The following CLDN7 variants were observed in gnomAD, a reference collection of about 807,000 sequenced individuals.
CLDN7 encodes the protein claudin-7.
Under a neutral mutation model 20.3 loss-of-function variants are expected in CLDN7, and 15 were observed. That is an observed-to-expected ratio of 0.74 (90% confidence interval 0.49 to 1.14). The LOEUF (loss-of-function observed/expected upper bound fraction) is 1.14, where lower values mean the gene tolerates loss of function less well. Among genes scored for constraint, CLDN7 ranks in the 50% most tolerant of loss-of-function variants. CLDN7 has a pLI of 0.00. For synonymous variants in CLDN7, 117 were observed against 106.1 expected, an observed-to-expected ratio of 1.10 and a Z score of -0.63; for missense variants, 261 against 274.2, an observed-to-expected ratio of 0.95 and a Z score of 0.34.
At position 7,262,340 on chromosome 17, in the gene CLDN7, G is replaced by A. The variant is rs940964473; in HGVS notation, c.-297C>T. 53 of 1,281,654 alleles carry A rather than the reference G, an allele frequency of 4.1e-5. No homozygotes were observed. The highest frequency in any genetic ancestry group is 5.1e-5 in the Non-Finnish European group (51 of 1,006,580). 79.4% of individuals were successfully genotyped at this position (1,281,654 alleles called of 1,614,324 possible). A position where few individuals can be genotyped will look rare whatever the true frequency, so the allele number is the denominator to read the frequency against. ...GCGGTTCCCTCCGGGCGCTCTCGGC[G>A]ACCCTAGGCAAACAAAAGGTGGAGG... On this transcript the variant is annotated 5_prime_UTR_variant, in exon 1 of 4. Coordinates refer to ENST00000360325, the MANE Select transcript of CLDN7 (RefSeq NM_001307.6). The surrounding 1 kb of genome is among the most constrained non-coding windows in gnomAD (Gnocchi z 6.6).
chr17:7,261,056 G>A, intron 1 of CLDN7, 71 bp from the exon 2 acceptor site: 1 of 1,513,412 alleles, frequency 6.6e-7, no homozygotes, highest in South Asian at 1.2e-5. Context: ...GCCGCCGGCC[G>A]CGCCCACTAA....
At chr17:7,262,510 G>A, upstream of CLDN7, 1 of 656,822 alleles carries the variant, frequency 1.5e-6, no homozygotes, top group South Asian at 6.5e-5. The surrounding 1 kb of genome is among the most constrained non-coding windows in gnomAD (Gnocchi z 6.6). Context: ...GTATATGTAG[G>A]GCGTCGGGGG....
At position 7,261,115 on chromosome 17, in the gene CLDN7, C is replaced by A. The variant is rs2072206940; in HGVS notation, c.224-130G>T. 1.1e-5 allele frequency: 14 copies of A among 1,301,122 alleles called. No individual in the cohort carries two copies. In the South Asian group the frequency reaches 1.8e-4, roughly 17 times the overall value. The allele number at this position is 1,301,122 out of a possible 1,614,324, so 80.6% of individuals were successfully genotyped here. A position where few individuals can be genotyped will look rare whatever the true frequency, so the allele number is the denominator to read the frequency against. ...GCCGTGTTCTGCCGAGGGCCAGGGG[C>A]GCCCAGGTGTCCAAGACCTGGGCCA... On this transcript the variant is annotated intron_variant, in intron 1 of 3. Transcript: ENST00000360325.
At chr17:7,260,772 C>T (rs999467896) in intron 2 of CLDN7, 46 bp from the exon 3 acceptor site, 9 of 1,614,190 alleles carry the variant, frequency 5.6e-6, no homozygotes, top group South Asian at 1.1e-5. Context: ...CCCAAATGGG[C>T]GCCTTGCCCA....
Position 7,260,371 on chromosome 17 carries a change from A to G in CLDN7, c.*3T>C. ...TGTCAGGCTGGGGCAAGGAGATCCC[A>G]GGTCACACATACTCCTTGGAAGAGT... On this transcript the variant is annotated 3_prime_UTR_variant, in exon 4 of 4. Transcript: ENST00000360325. 6.2e-7 allele frequency: 1 copy of G among 1,601,146 alleles called. No individual in the cohort carries two copies. The highest frequency in any genetic ancestry group is 8.5e-7 in the Non-Finnish European group (1 of 1,172,712).
At position 7,261,876 on chromosome 17, in the gene CLDN7, C is replaced by T. The variant is rs144545597; in HGVS notation, c.168G>A (p.Thr56=). The T allele has an allele frequency of 2.8e-5, 46 of 1,614,066 alleles. No homozygotes were observed. Among genetic ancestry groups the T allele is most frequent in the African/African-American group, 4.0e-5 (3 of 74,962 alleles). The change falls in exon 1 of 4, where the codon ACG becomes ACA. Residue 56 remains threonine (T), a synonymous_variant. Coordinates refer to ENST00000360325, the MANE Select transcript of CLDN7 (RefSeq NM_001307.6). The part of the protein sequence containing the change: ...MYKGLWMDCV[T]QSTGMMSCKM... ...TGCAGCTCATCATCCCCGTGCTCTG[C>T]GTGACGCAGTCCATCCACAGCCCCT...
At chr17:7,261,207 A>G (rs1316358416) in intron 1 of CLDN7, 1 of 613,950 alleles carries the variant, frequency 1.6e-6, no homozygotes, top group East Asian at 2.9e-5. Flanking sequence ...TCTCCGCTCA[A>G]GGATCCGCCC....
At chr17:7,261,685 C>T (rs2143002351) in intron 1 of CLDN7, 136 bp downstream of exon 1, 3 of 786,520 alleles carry the variant, frequency 3.8e-6, no homozygotes, top group Non-Finnish European at 3.7e-6. Flanking sequence ...CCCCGCCGCC[C>T]CCAGCCGACC....
chr17:7,261,219 G>A, intron 1 of CLDN7: 1 of 586,620 alleles, frequency 1.7e-6, no homozygotes, highest in Non-Finnish European at 3.0e-6. Flanking sequence ...GATCCGCCCG[G>A]GGCGCCGGGG....
At chr17:7,261,259 A>T in intron 1 of CLDN7, 1 of 490,074 alleles carries the variant, frequency 2.0e-6, no homozygotes, top group Non-Finnish European at 3.6e-6. Context: ...GATAGGGGGA[A>T]GGGTGAAAGG....
Position 7,260,875 on chromosome 17 carries a change from T to C in CLDN7, c.334A>G (p.Lys112Glu). 1 of 1,614,256 alleles carries C rather than the reference T, an allele frequency of 6.2e-7. No homozygotes were observed. The highest frequency in any genetic ancestry group is 8.5e-7 in the Non-Finnish European group (1 of 1,180,050). ...MKCTRCGGDD[K>E]VKKARIAMGG... ...ATGGCTATACGGGCCTTCTTCACTT[T>C]GTCGTCTCCCCCACAGCGCGTGCAC... Residue 112 changes from lysine (K) to glutamate (E), a missense_variant, in exon 2 of 4, where the codon AAA becomes GAA. Physicochemically the swap from Lys to Glu is moderately conservative, Grantham distance 56 (BLOSUM62 1). Around this residue, in one of 2 missense-constraint regions of CLDN7, gnomAD observed 215 missense variants for 199.6 expected, o/e 1.08. Transcript: ENST00000360325.
rs766274868 is a variant in CLDN7, at chr17:7,260,467, C to G, written c.543G>C (p.Leu181=). ...CATTCCCAGGACAGGAACAGGAGAG[C>G]AGTGCACCTCCCAGGATGACTAGGG... ...GSALVILGGA[L]LSCSCPGNES... The change falls in exon 4 of 4, where the codon CTG becomes CTC. Residue 181 remains leucine (L), a synonymous_variant. Transcript: ENST00000360325. The G allele has an allele frequency of 2.5e-6, 4 of 1,613,802 alleles. No homozygotes were observed. Among genetic ancestry groups the G allele is most frequent in the Non-Finnish European group, 3.4e-6 (4 of 1,179,882 alleles).
chr17:7,261,217 C>A, intron 1 of CLDN7: 2 of 584,854 alleles, frequency 3.4e-6, no homozygotes, highest in Non-Finnish European at 3.0e-6. Context: ...AGGATCCGCC[C>A]GGGGCGCCGG....
At position 7,260,256 on chromosome 17, in the gene CLDN7, C is replaced by A; in HGVS notation, c.*118G>T. The stretch of plus-strand genomic sequence containing the variant: ...GAGGACTATACATGGAGTGCAGGGA[C>A]AGAGTGACCAGGAGGCCTTTGTCCG... On this transcript the variant is annotated 3_prime_UTR_variant, in exon 4 of 4. Transcript: ENST00000360325. 9.3e-7 allele frequency: 1 copy of A among 1,075,838 alleles called. No homozygotes were observed. The highest frequency in any genetic ancestry group is 1.3e-6 in the Non-Finnish European group (1 of 751,248). 66.6% of individuals were successfully genotyped at this position (1,075,838 alleles called of 1,614,324 possible). A position where few individuals can be genotyped will look rare whatever the true frequency, so the allele number is the denominator to read the frequency against.
chr17:7,260,222 C>CAGGGGG lies in CLDN7; in HGVS notation c.*151_*152insCCCCCT. ...TCCCACCAACGGCACCCCCCCACCC[C>CAGGGGG]CAACCCAAGAGGACTATACATGGAG... On this transcript the variant is annotated 3_prime_UTR_variant, in exon 4 of 4. Coordinates refer to ENST00000360325, the MANE Select transcript of CLDN7 (RefSeq NM_001307.6). 1 of 670,326 alleles carries CAGGGGG rather than the reference C, an allele frequency of 1.5e-6. No homozygotes were observed. The highest frequency in any genetic ancestry group is 2.3e-6 in the Non-Finnish European group (1 of 440,372). 41.5% of individuals were successfully genotyped at this position (670,326 alleles called of 1,614,324 possible).
chr17:7,260,302 G>A lies in CLDN7; in HGVS notation c.*72C>T, dbSNP rs1021108252. On this transcript the variant is annotated 3_prime_UTR_variant, in exon 4 of 4. Transcript: ENST00000360325. The stretch of plus-strand genomic sequence containing the variant: ...GTCCGGCACCCTGCCCACAGGCTGA[G>A]CTCAGCCCCAGGCCCTTTCAGGCAT... The A allele has an allele frequency of 6.0e-6, 9 of 1,494,204 alleles. No homozygotes were observed. The African/African-American group carries it at 9.8e-5, about 16-fold the overall frequency. 92.6% of individuals were successfully genotyped at this position (1,494,204 alleles called of 1,614,324 possible).
At chr17:7,261,255 G>A (rs1407290525) in intron 1 of CLDN7, 4 of 518,440 alleles carry the variant, frequency 7.7e-6, no homozygotes, top group South Asian at 6.6e-5. Flanking sequence ...CCTGGATAGG[G>A]GGAAGGGTGA....
rs777744847 is a variant in CLDN7, at chr17:7,260,989, CGGGCGA to C, written c.224-10_224-5del. ...GCTCGAGTGGCCTGCAAGGCCGCTG[CGGGCGA>C]GGGGAAAGGGCGCCGTCATTGCTGG... On this transcript the variant is annotated splice_region_variant and splice_polypyrimidine_tract_variant and intron_variant, in intron 1 of 3. Transcript: ENST00000360325. 3.1e-6 allele frequency: 5 copies of C among 1,606,556 alleles called. No individual in the cohort carries two copies. In the South Asian group the frequency reaches 5.5e-5, roughly 18 times the overall value.
In CLDN7 at chr17:7,261,821, CG is replaced by C. The variant is rs771152939; in HGVS notation, c.222del (p.Ala75ArgfsTer9). ...CKMYDSVLALSAALQATRALM... is the reference protein window; with the variant it reads ...CKMYDSVLALXAALQATRALM... ...CGCCCCGTCGGTCCCGCGGCCTTAC[CG>C]GACAGGGCGAGCACCGAGTCGTACA... On this transcript the variant is annotated frameshift_variant and splice_region_variant, in exon 1 of 4. Transcript: ENST00000360325. LOFTEE classifies it high-confidence loss of function. 2 of 1,612,270 alleles carry C rather than the reference CG, an allele frequency of 1.2e-6. No homozygotes were observed. Among genetic ancestry groups the C allele is most frequent in the Non-Finnish European group, 1.7e-6 (2 of 1,179,992 alleles).
Sources: gnomAD v4.1 joint callset for allele counts on GRCh38, gnomAD v4.1.1 for gene constraint, gnomAD v4.1.1 regional missense constraint, Gnocchi (gnomAD v3.1) non-coding constraint, MANE v1.5 for transcripts, NCBI Gene and HGNC (gene_info 2026-07-23, HGNC 2026-07-21) for gene names.